VCAN: variants seen among roughly 807,000 people sequenced by gnomAD.
VCAN encodes versican.
In VCAN, 44 loss-of-function variants were observed where a neutral mutation model predicts 245.5. That is an observed-to-expected ratio of 0.18 (90% CI 0.14 to 0.23). The LOEUF (loss-of-function observed/expected upper bound fraction) is 0.23. VCAN is among the 10% of genes least tolerant of loss of function. VCAN has a pLI of 1.00. For missense variants in VCAN, 3,793 were observed against 4,057.9 expected, an observed-to-expected ratio of 0.93 and a Z score of 1.77; for synonymous variants, 1,413 against 1,437.0, an observed-to-expected ratio of 0.98 and a Z score of 0.38.
intron 12 of VCAN, among the ~76,000 whole-genome samples, chr5:83,561,818 T>C (rs1017016417): frequency 6.6e-6 from 1 of 152,176 alleles, no homozygotes; most frequent in African/African-American, 2.4e-5. Context: ...CAATGTATCA[T>C]TATTACCCTT....
intron 12 of VCAN, among the ~76,000 whole-genome samples, chr5:83,561,651 A>C (rs914545189): frequency 6.6e-6 from 1 of 152,144 alleles, no homozygotes; most frequent in Non-Finnish European, 1.5e-5. Context: ...ATAAATAAAC[A>C]CATCAGTCTG....
In VCAN at chr5:83,512,462, G is replaced by A. The variant is rs764887801; in HGVS notation, c.1042+66G>A. 4 of 1,554,932 alleles carry A rather than the reference G, an allele frequency of 2.6e-6. No homozygotes were observed. In the Admixed American group the frequency reaches 5.3e-5, roughly 21 times the overall value. Reference sequence around the variant, plus strand: ...AAAATGCTTCGAAGCATGCATTGATGTTCAACTAGCCGTTGGAGTGGATTC... The same window carrying A: ...AAAATGCTTCGAAGCATGCATTGATATTCAACTAGCCGTTGGAGTGGATTC... On this transcript the variant is annotated intron_variant, in intron 6 of 14. Transcript: ENST00000265077.
intron 1 of VCAN, among the ~76,000 whole-genome samples, chr5:83,477,045 C>T (rs190203705): frequency 1.3e-5 from 2 of 152,212 alleles, no homozygotes; most frequent in African/African-American, 2.4e-5. Flanking sequence ...GAGCACTAGA[C>T]TTGGAATCAG....
chr5:83,521,091 G>A lies in VCAN; in HGVS notation c.2785G>A (p.Glu929Lys). ...TMEGSALGEVEDVDLSKPVST... is the reference protein window; with the variant it reads ...TMEGSALGEVKDVDLSKPVST... ...GGAAGGAAGTGCTTTGGGTGAAGTA[G>A]AAGATGTGGACCTCTCTAAGCCAGT... Residue 929 changes from glutamate (E) to lysine (K), a missense_variant, in exon 7 of 15, where the codon GAA becomes AAA. Around this residue, in one of 5 missense-constraint regions of VCAN, gnomAD observed 3,182 missense variants for 3,250.3 expected, o/e 0.98. Transcript: ENST00000265077. 1 of 1,614,168 alleles carries A rather than the reference G, an allele frequency of 6.2e-7. No individual in the cohort carries two copies. Among genetic ancestry groups the A allele is most frequent in the Non-Finnish European group, 8.5e-7 (1 of 1,179,994 alleles).
chr5:83,548,467 T>A (rs936996040), intron 10 of VCAN, among the ~76,000 whole-genome samples: 1 of 152,202 alleles, frequency 6.6e-6, no homozygotes, highest in Admixed American at 6.5e-5. Context: ...TTTTTCATAG[T>A]CAATCATATC....
At chr5:83,531,001 G>A (rs974956708) in intron 7 of VCAN, among the ~76,000 whole-genome samples, 14 of 152,026 alleles carry the variant, frequency 9.2e-5, no homozygotes, top group African/African-American at 3.1e-4. Flanking sequence ...CAAGAAGATG[G>A]ATATAATTAT....
At chr5:83,565,419 G>GTGTA (rs774033898) in intron 12 of VCAN, among the ~76,000 whole-genome samples, 5 of 134,748 alleles carry the variant, frequency 3.7e-5, no homozygotes, top group Non-Finnish European at 7.8e-5. Flanking sequence ...GTGTGTGTGT[G>GTGTA]TGTGTGTATG....
chr5:83,564,600 T>C (rs533809669), intron 12 of VCAN, among the ~76,000 whole-genome samples: 2 of 152,170 alleles, frequency 1.3e-5, no homozygotes, highest in South Asian at 2.1e-4. Flanking sequence ...TTATACACAA[T>C]AGTAGAACGC....
chr5:83,486,060 G>C (rs1272220835), intron 2 of VCAN, among the ~76,000 whole-genome samples: 2 of 152,050 alleles, frequency 1.3e-5, no homozygotes, highest in African/African-American at 2.4e-5. Context: ...TTGATCACAG[G>C]GGGTCGAGGC....
rs1746794922 is a variant in VCAN at position 83,538,028 on chromosome 5, G to A, written c.5025G>A (p.Arg1675=). The A allele has an allele frequency of 1.9e-6, 3 of 1,614,004 alleles. No individual in the cohort carries two copies. The highest frequency in any genetic ancestry group is 2.5e-6 in the Non-Finnish European group (3 of 1,179,964). The stretch of plus-strand genomic sequence containing the variant: ...CACTCATTACTTTAGACACTAGCAG[G>A]ATAATCACAGAAAGCTTTTTTGAGG... ...TDTLITLDTS[R]IITESFFEVP... The change falls in exon 8 of 15, where the codon AGG becomes AGA. Residue 1675 remains arginine, a synonymous_variant. Coordinates refer to ENST00000265077, the MANE Select transcript of VCAN (RefSeq NM_004385.5).
Position 83,539,412 on chromosome 5 carries a change from C to A in VCAN, c.6409C>A (p.Gln2137Lys). The stretch of plus-strand genomic sequence containing the variant: ...CCCTCAAAACTCTCCTGCAACAGAA[C>A]AAACAATCTTTGATTCACAGACATT... ...ESPQNSPATE[Q>K]TIFDSQTFTE... is the part of the protein sequence containing the mutation. The change falls in exon 8 of 15, where the codon CAA becomes AAA. Residue 2137 changes from glutamine (Q) to lysine (K), a missense_variant. Transcript: ENST00000265077. 4 of 1,613,856 alleles carry A rather than the reference C, an allele frequency of 2.5e-6. No individual in the cohort carries two copies. The highest frequency in any genetic ancestry group is 3.4e-6 in the Non-Finnish European group (4 of 1,179,914).
At position 83,522,633 on chromosome 5, in the gene VCAN, A is replaced by G. The variant is rs573512667; in HGVS notation, c.4003+324A>G. ...TTTCAGTGTCTTTTCATACATTACT[A>G]CTCAAGTGTAGCACTAGACTGTGTT... On this transcript the variant is annotated intron_variant, in intron 7 of 14. Coordinates refer to ENST00000265077, the MANE Select transcript of VCAN (RefSeq NM_004385.5). 2.0e-5 allele frequency among the ~76,000 whole-genome samples: 3 copies of G among 152,322 alleles called. No individual in the cohort carries two copies. The East Asian group carries it at 5.8e-4, about 29-fold the overall frequency.
chr5:83,565,572 TC>T (rs1175040085), intron 12 of VCAN, among the ~76,000 whole-genome samples: 1 of 152,180 alleles, frequency 6.6e-6, no homozygotes, highest in African/African-American at 2.4e-5. Flanking sequence ...ATAGAAAGAT[TC>T]TAAACAGTGT....
intron 12 of VCAN, among the ~76,000 whole-genome samples, chr5:83,565,590 C>A (rs940371849): frequency 6.6e-6 from 1 of 152,232 alleles, no homozygotes; most frequent in East Asian, 1.9e-4. Context: ...GTGTCTGACT[C>A]TTCTAGAGAA....
chr5:83,574,488 T>G (rs1452388141), intron 13 of VCAN, among the ~76,000 whole-genome samples: 1 of 152,212 alleles, frequency 6.6e-6, no homozygotes, highest in East Asian at 1.9e-4. Flanking sequence ...AATGCACTAA[T>G]CCCTTCCCTA....
intron 8 of VCAN, among the ~76,000 whole-genome samples, chr5:83,542,722 C>T (rs1041423663): frequency 6.6e-6 from 1 of 152,094 alleles, no homozygotes; most frequent in Non-Finnish European, 1.5e-5. Context: ...GGGAGTAGTA[C>T]GTAGCTCTAA....
At chr5:83,573,543 A>T (rs1187200221) in intron 13 of VCAN, among the ~76,000 whole-genome samples, 1 of 152,316 alleles carries the variant, frequency 6.6e-6, no homozygotes, top group African/African-American at 2.4e-5. Flanking sequence ...AGAATTCTGG[A>T]AAAAAACAAA....
At chr5:83,565,189 G>A (rs978396500) in intron 12 of VCAN, among the ~76,000 whole-genome samples, 3 of 152,152 alleles carry the variant, frequency 2.0e-5, no homozygotes, top group Non-Finnish European at 2.9e-5. Flanking sequence ...CTCTCAGTGA[G>A]CTCTCAAGTC....
At chr5:83,551,988 C>T (rs1277314132) in intron 10 of VCAN, among the ~76,000 whole-genome samples, 11 of 152,206 alleles carry the variant, frequency 7.2e-5, no homozygotes, top group Admixed American at 3.9e-4. Context: ...CTTTAATAAA[C>T]GCAAAGCTTC....
Sources: gnomAD v4.1 joint callset for allele counts (sites outside exome capture counted in the v4.1 genomes callset) on GRCh38, gnomAD v4.1.1 for gene constraint, gnomAD v4.1.1 regional missense constraint, MANE v1.5 for transcripts, NCBI Gene and HGNC (gene_info 2026-07-23, HGNC 2026-07-21) for gene names.